Variants in ANO6 observed in about 807,000 individuals in gnomAD.
ANO6 encodes anoctamin 6.
ANO6 carries 106 observed loss-of-function variants against 117.5 expected under a neutral mutation model. The observed-to-expected ratio is 0.90, with a 90% confidence interval of 0.77 to 1.06. The LOEUF is 1.06. Ranked by LOEUF, ANO6 falls within the 50% of genes least tolerant of loss-of-function variation. ANO6 has a pLI of 0.00. For synonymous variants in ANO6, 367 were observed against 385.1 expected, an observed-to-expected ratio of 0.95 and a Z score of 0.55; for missense variants, 955 against 1,121.1, an observed-to-expected ratio of 0.85 and a Z score of 2.12.
At chr12:45,400,839 G>C (rs1264736327) in intron 12 of ANO6, among the ~76,000 whole-genome samples, 1 of 152,164 alleles carries the variant, frequency 6.6e-6, no homozygotes, top group African/African-American at 2.4e-5. Context: ...AAACTTTTCT[G>C]TCATCACGAG....
At chr12:45,346,536 A>G (rs1017698966) in intron 3 of ANO6, among the ~76,000 whole-genome samples, 1 of 152,170 alleles carries the variant, frequency 6.6e-6, no homozygotes, top group African/African-American at 2.4e-5. Flanking sequence ...GTTTTATTGA[A>G]TTTGGTCAAG....
At position 45,430,223 on chromosome 12, in the gene ANO6, G is replaced by A; in HGVS notation, c.*912G>A. 3.0e-6 allele frequency: 3 copies of A among 985,356 alleles called. No homozygotes were observed. The highest frequency in any genetic ancestry group is 2.4e-6 in the Non-Finnish European group (2 of 829,902). The allele number at this position is 985,356 out of a possible 1,614,324, so 61.0% of individuals were successfully genotyped here. Reference sequence around the variant, plus strand: ...CAACATAATTGTCTGGAAAAGATAAGCCCCTCAATTTTCTACCAGTTGACT... The same window carrying A: ...CAACATAATTGTCTGGAAAAGATAAACCCCTCAATTTTCTACCAGTTGACT... On this transcript the variant is annotated 3_prime_UTR_variant, in exon 20 of 20. Coordinates refer to ENST00000320560, the MANE Select transcript of ANO6 (RefSeq NM_001025356.3).
chr12:45,373,418 GCACCACACCA>G (rs1054340260), intron 9 of ANO6, among the ~76,000 whole-genome samples: 2 of 152,028 alleles, frequency 1.3e-5, no homozygotes, highest in South Asian at 4.2e-4. Context: ...ATTTTTTTCA[GCACCACACCA>G]CACCTATTCC....
At chr12:45,394,937 A>G (rs1471584959) in intron 12 of ANO6, among the ~76,000 whole-genome samples, 1 of 152,230 alleles carries the variant, frequency 6.6e-6, no homozygotes, top group Admixed American at 6.5e-5. Context: ...TAAAAGAACT[A>G]GAGAAGCAAG....
At chr12:45,238,259 T>C (rs1947680029) in intron 1 of ANO6, among the ~76,000 whole-genome samples, 1 of 151,416 alleles carries the variant, frequency 6.6e-6, no homozygotes, top group Non-Finnish European at 1.5e-5. Context: ...CAAGTGATTC[T>C]CCTGCCTCAG....
chr12:45,420,438 A>G (rs1367452296), intron 17 of ANO6, among the ~76,000 whole-genome samples: 1 of 152,030 alleles, frequency 6.6e-6, no homozygotes, highest in Non-Finnish European at 1.5e-5. Flanking sequence ...CAACATAGTA[A>G]GACCCTATCT....
In ANO6 at chr12:45,357,315, A is replaced by G. The variant is rs763615507; in HGVS notation, c.889A>G (p.Ile297Val). ...IRKYYGEKIGIYFAWLGYYTQ... is the reference protein window; with the variant it reads ...IRKYYGEKIGVYFAWLGYYTQ... ...GAAATACTATGGAGAGAAGATTGGAATCTACTTTGCTTGGCTGGGCTATTA... is the reference window on the plus strand; with the variant it reads ...GAAATACTATGGAGAGAAGATTGGAGTCTACTTTGCTTGGCTGGGCTATTA... The change falls in exon 8 of 20, where the codon ATC becomes GTC. Residue 297 changes from isoleucine to valine, a missense_variant. Physicochemically the swap from Ile to Val is conservative, Grantham distance 29 (BLOSUM62 3). Transcript: ENST00000320560. The G allele has an allele frequency of 1.7e-4, 274 of 1,613,820 alleles. No homozygotes were observed. Among genetic ancestry groups the G allele is most frequent in the Non-Finnish European group, 2.2e-4 (265 of 1,179,966 alleles).
intron 19 of ANO6, among the ~76,000 whole-genome samples, chr12:45,424,709 G>C (rs1666567283): frequency 6.6e-6 from 1 of 152,060 alleles, no homozygotes. Flanking sequence ...AGAGCAAGCT[G>C]GTACCCATCA....
intron 1 of ANO6, among the ~76,000 whole-genome samples, chr12:45,218,968 C>CT (rs776768734): frequency 3.9e-5 from 6 of 152,154 alleles, no homozygotes; most frequent in Admixed American, 6.5e-5. Context: ...GAGACAGGGT[C>CT]TTGCTCTGTC....
intron 16 of ANO6, among the ~76,000 whole-genome samples, chr12:45,412,185 G>A (rs772218631): frequency 6.6e-6 from 1 of 152,180 alleles, no homozygotes; most frequent in Non-Finnish European, 1.5e-5. Context: ...CATAATAAAC[G>A]TAGTTGTCTG....
intron 19 of ANO6, chr12:45,439,635 ATGATT>A (rs1943747159): frequency 7.7e-7 from 1 of 1,291,452 alleles, no homozygotes; most frequent in African/African-American, 1.5e-5. Flanking sequence ...TATTCAAGAT[ATGATT>A]TAATTGCTTT....
At chr12:45,343,952 A>G (rs1233362481) in intron 3 of ANO6, among the ~76,000 whole-genome samples, 1 of 152,252 alleles carries the variant, frequency 6.6e-6, no homozygotes. Flanking sequence ...GGAGCCAGGT[A>G]GTCTGGTTGG....
chr12:45,299,423 G>A (rs1264439025), intron 1 of ANO6, among the ~76,000 whole-genome samples: 1 of 152,144 alleles, frequency 6.6e-6, no homozygotes, highest in African/African-American at 2.4e-5. Context: ...CACACATAGG[G>A]TGTCCTCTAA....
At chr12:45,353,890 A>C (rs764827683) in intron 7 of ANO6, among the ~76,000 whole-genome samples, 14 of 143,474 alleles carry the variant, frequency 9.8e-5, no homozygotes, top group Non-Finnish European at 1.8e-4. Flanking sequence ...AGACAGAAAA[A>C]CACCAATAGA....
At chr12:45,408,600 C>T (rs922132322) in intron 15 of ANO6, among the ~76,000 whole-genome samples, 6 of 152,184 alleles carry the variant, frequency 3.9e-5, no homozygotes, top group Non-Finnish European at 7.3e-5. Flanking sequence ...CGTTTCACTC[C>T]TCTGGTCCTT....
At chr12:45,341,031 C>A (rs1940965757) in intron 3 of ANO6, among the ~76,000 whole-genome samples, 1 of 152,098 alleles carries the variant, frequency 6.6e-6, no homozygotes, top group African/African-American at 2.4e-5. Context: ...TAAAGTAACA[C>A]CAAGGTGATA....
intron 1 of ANO6, among the ~76,000 whole-genome samples, chr12:45,294,188 T>C (rs1169477822): frequency 6.6e-6 from 1 of 152,122 alleles, no homozygotes; most frequent in Non-Finnish European, 1.5e-5. Context: ...CAAGAATGGC[T>C]CCCGCTTTTG....
At chr12:45,385,685 A>G (rs1167243816) in intron 10 of ANO6, among the ~76,000 whole-genome samples, 2 of 152,138 alleles carry the variant, frequency 1.3e-5, no homozygotes, top group Non-Finnish European at 2.9e-5. Context: ...CCCATTGACA[A>G]AGAAGCCAAT....
intron 1 of ANO6, among the ~76,000 whole-genome samples, chr12:45,238,151 C>CTTTTTTTTTTT (rs71437709): frequency 7.6e-6 from 1 of 130,874 alleles, no homozygotes. Flanking sequence ...TTTTCTTTTT[C>CTTTTTTTTTTT]TTTTTTTTTT....
Sources: gnomAD v4.1 joint callset for allele counts (sites outside exome capture counted in the v4.1 genomes callset) on GRCh38, gnomAD v4.1.1 for gene constraint, MANE v1.5 for transcripts, NCBI Gene and HGNC (gene_info 2026-07-23, HGNC 2026-07-21) for gene names.